Variants in ANKDD1A observed in about 807,000 individuals in gnomAD.
The protein encoded by ANKDD1A is ankyrin repeat and death domain containing 1A, also known as ankyrin repeat and death domain-containing protein 1A.
ANKDD1A carries 59 observed loss-of-function variants against 63.5 expected under a neutral mutation model. That is an observed-to-expected ratio of 0.93 (90% confidence interval 0.75 to 1.15). The LOEUF (loss-of-function observed/expected upper bound fraction) is 1.15. Ranked by LOEUF, ANKDD1A falls within the 50% of genes most tolerant of loss-of-function variation. The pLI, the probability that ANKDD1A is intolerant of heterozygous loss-of-function variation, is 0.00. For synonymous variants in ANKDD1A, 266 were observed against 263.9 expected (o/e 1.01, Z -0.08); for missense variants, 632 against 656.4 (o/e 0.96, Z 0.41).
intron 6 of ANKDD1A, among the ~76,000 whole-genome samples, chr15:64,930,277 C>G (rs1295482719): frequency 6.7e-6 from 1 of 149,552 alleles, no homozygotes; most frequent in Non-Finnish European, 1.5e-5. Context: ...AAAAAAAAGT[C>G]AGACAATAAA....
intron 14 of ANKDD1A, among the ~76,000 whole-genome samples, chr15:64,953,900 T>C (rs2085365138): frequency 4.8e-5 from 1 of 20,844 alleles, no homozygotes; most frequent in South Asian, 1.3e-3. Flanking sequence ...CTCTTTTCTT[T>C]CTTCCCTCTT....
intron 9 of ANKDD1A, among the ~76,000 whole-genome samples, chr15:64,938,026 G>A (rs1414697507): frequency 1.3e-5 from 2 of 152,008 alleles, no homozygotes; most frequent in African/African-American, 2.4e-5. Context: ...AGCTCCCAAT[G>A]GTCAACTCTG....
intron 1 of ANKDD1A, chr15:64,914,029 C>T (rs970303523): frequency 1.3e-5 from 2 of 151,144 alleles, no homozygotes; most frequent in African/African-American, 4.9e-5. Context: ...CGCTCTGTCA[C>T]TAGGCTGGAG....
Position 64,953,633 on chromosome 15 carries a change from T to TTCTC in ANKDD1A, c.1484-3470_1484-3469insTCTC, listed in dbSNP as rs2085352234. Among the ~76,000 whole-genome samples, 11 of 4,642 alleles carry TTCTC rather than the reference T, an allele frequency of 2.4e-3. No individual in the cohort carries two copies. The Non-Finnish European group carries it at 0.032, about 14-fold the overall frequency. The allele number at this position is 4,642 out of a possible 152,430, so 3.0% of individuals were successfully genotyped here. A position where few individuals can be genotyped will look rare whatever the true frequency, so the allele number is the denominator to read the frequency against. ...TTCTCTCCTTCTTCTTCTTCTTCCT[T>TTCTC]CTTCTTCCTCTTCCTTCTCCTTCTT... On this transcript the variant is annotated intron_variant, in intron 14 of 14. Transcript: ENST00000319580.
At chr15:64,940,659 C>T (rs1362121103) in intron 9 of ANKDD1A, among the ~76,000 whole-genome samples, 1 of 151,802 alleles carries the variant, frequency 6.6e-6, no homozygotes, top group South Asian at 2.1e-4. Context: ...AGGATGGTCT[C>T]GATCTCCTGA....
Position 64,949,962 on chromosome 15 carries a change from G to A in ANKDD1A, c.1473G>A (p.Arg491=), listed in dbSNP as rs1021343377. The A allele has an allele frequency of 1.9e-6, 3 of 1,609,734 alleles. No individual in the cohort carries two copies. The highest frequency in any genetic ancestry group is 1.3e-5 in the African/African-American group (1 of 75,060). The change falls in exon 14 of 15, where the codon AGG becomes AGA. Residue 491 remains arginine (R), a synonymous_variant. Coordinates refer to ENST00000319580, the MANE Select transcript of ANKDD1A (RefSeq NM_182703.6). ...AGGGCCTCGTGGCCATTGGCAGGAG[G>A]GACCTGGCTGGTAAGAGCGTACTCT... The part of the protein sequence containing the change: ...LFEGLVAIGR[R]DLAGWSTMAR...
intron 14 of ANKDD1A, among the ~76,000 whole-genome samples, chr15:64,953,895 TTC>T (rs2085365060): frequency 1.2e-4 from 4 of 34,092 alleles, no homozygotes; most frequent in East Asian, 1.7e-3. Context: ...TCTTCCTCTT[TTC>T]TTTCTTCCCT....
chr15:64,945,607 C>CATATATATATAT (rs61390435), intron 12 of ANKDD1A, among the ~76,000 whole-genome samples: 1,740 of 73,698 alleles, frequency 0.024, 151 homozygotes, highest in Non-Finnish European at 0.032. Flanking sequence ...GCATTTTCAA[C>CATATATATATAT]ATATATATAT....
At chr15:64,927,644 G>A (rs1049162185) in intron 6 of ANKDD1A, among the ~76,000 whole-genome samples, 5 of 134,990 alleles carry the variant, frequency 3.7e-5, no homozygotes, top group Admixed American at 8.5e-5. Flanking sequence ...TCGCTCTGTC[G>A]TCCAGGCTGG....
chr15:64,946,078 T>C (rs183646705), intron 12 of ANKDD1A, among the ~76,000 whole-genome samples: 4 of 152,356 alleles, frequency 2.6e-5, no homozygotes, highest in Admixed American at 2.6e-4. Context: ...ATACAACTAG[T>C]AAATTTTTCC....
Position 64,911,910 on chromosome 15 carries a change from C to T in ANKDD1A, c.-21C>T, listed in dbSNP as rs2084933856. On this transcript the variant is annotated 5_prime_UTR_variant, in exon 1 of 15. Transcript: ENST00000319580. ...CCTCGCGCCCGGGCACCAGCGCGCG[C>T]AGGGGCTGCGGAGCGGCAGGATGCA... The T allele has an allele frequency of 7.2e-6, 9 of 1,250,054 alleles. No individual in the cohort carries two copies. In the East Asian group the frequency reaches 1.9e-4, roughly 26 times the overall value. 77.4% of individuals were successfully genotyped at this position (1,250,054 alleles called of 1,614,324 possible). A position where few individuals can be genotyped will look rare whatever the true frequency, so the allele number is the denominator to read the frequency against.
intron 3 of ANKDD1A, among the ~76,000 whole-genome samples, chr15:64,920,393 C>T (rs1264893653): frequency 6.6e-6 from 1 of 152,028 alleles, no homozygotes; most frequent in Non-Finnish European, 1.5e-5. Flanking sequence ...TCAGTTGCTC[C>T]AGAGAGTTGG....
intron 14 of ANKDD1A, among the ~76,000 whole-genome samples, chr15:64,951,863 CTTCTTTTTCT>C (rs2085289893): frequency 1.3e-4 from 2 of 15,204 alleles, no homozygotes; most frequent in African/African-American, 1.8e-4. Flanking sequence ...TCTTCTTCCT[CTTCTTTTTCT>C]TTCTTCTTTC....
At chr15:64,916,531 T>A (rs1265447254) in intron 2 of ANKDD1A, among the ~76,000 whole-genome samples, 1 of 152,134 alleles carries the variant, frequency 6.6e-6, no homozygotes, top group Non-Finnish European at 1.5e-5. Flanking sequence ...CTTGCTATGT[T>A]GCCCAGGCTG....
intron 4 of ANKDD1A, among the ~76,000 whole-genome samples, chr15:64,923,951 A>ATCCCC (rs1313549251): frequency 6.6e-6 from 1 of 152,234 alleles, no homozygotes. Context: ...AGTTAAGCAG[A>ATCCCC]TCCCCTCTAT....
chr15:64,950,880 C>G, intron 14 of ANKDD1A: 1 of 1,182,308 alleles, frequency 8.5e-7, no homozygotes, highest in Non-Finnish European at 1.1e-6. Flanking sequence ...CTGTGGCATG[C>G]AATTAAAACA....
At chr15:64,954,076 TTTTCTTCTTC>T (rs2085373609) in intron 14 of ANKDD1A, among the ~76,000 whole-genome samples, 33 of 14,530 alleles carry the variant, frequency 2.3e-3, no homozygotes, top group Admixed American at 2.9e-3. Context: ...CTTCTTCCTC[TTTTCTTCTTC>T]TTTCTCCTCC....
At chr15:64,951,651 C>T (rs1455218967) in intron 14 of ANKDD1A, among the ~76,000 whole-genome samples, 2 of 114,438 alleles carry the variant, frequency 1.7e-5, no homozygotes, top group South Asian at 3.1e-4. Flanking sequence ...TATCTTCTTT[C>T]CTTCTATCTT....
At chr15:64,951,050 C>T in intron 14 of ANKDD1A, 1 of 1,240,036 alleles carries the variant, frequency 8.1e-7, no homozygotes, top group Non-Finnish European at 1.0e-6. Context: ...CGTGGGACCT[C>T]AGCGTGTGGA....
Sources: allele counts gnomAD v4.1 joint callset (sites outside exome capture counted in the v4.1 genomes callset), GRCh38; gene constraint gnomAD v4.1.1; transcripts MANE v1.5; gene names NCBI Gene and HGNC (gene_info 2026-07-23, HGNC 2026-07-21).